The following CACNA1A variants were observed in gnomAD, a reference collection of about 807,000 sequenced individuals.
CACNA1A encodes calcium voltage-gated channel subunit alpha1 A, also known as voltage-dependent P/Q-type calcium channel subunit alpha-1A.
Under a neutral mutation model 262.4 loss-of-function variants are expected in CACNA1A, and 57 were observed. That is an observed-to-expected ratio of 0.22 (90% CI 0.18 to 0.27). The LOEUF is 0.27. CACNA1A is among the 10% of genes least tolerant of loss of function. The pLI, the probability that CACNA1A is intolerant of heterozygous loss-of-function variation, is 1.00. For missense variants in CACNA1A, 2,526 were observed against 3,562.8 expected, an observed-to-expected ratio of 0.71 and a Z score of 7.41; for synonymous variants, 1,431 against 1,419.3, an observed-to-expected ratio of 1.01 and a Z score of -0.18.
chr19:13,239,797 G>T (rs769142648), intron 31 of CACNA1A, among the ~76,000 whole-genome samples: 7 of 152,078 alleles, frequency 4.6e-5, no homozygotes, highest in Non-Finnish European at 8.8e-5. Flanking sequence ...GTGTGTGTGT[G>T]TGTGCATGCG....
At chr19:13,220,226 A>G (rs945166472) in intron 38 of CACNA1A, among the ~76,000 whole-genome samples, 1 of 150,944 alleles carries the variant, frequency 6.6e-6, no homozygotes, top group Non-Finnish European at 1.5e-5. Context: ...ACACTATTAT[A>G]CTCCAGCCTT....
At chr19:13,325,109 C>T (rs1293912946) in intron 10 of CACNA1A, among the ~76,000 whole-genome samples, 2 of 149,188 alleles carry the variant, frequency 1.3e-5, no homozygotes, top group East Asian at 3.9e-4. Flanking sequence ...TCTTCTTCTT[C>T]CCCTTCCCCT....
At chr19:13,369,422 G>A (rs1364926645) in intron 4 of CACNA1A, among the ~76,000 whole-genome samples, 5 of 152,116 alleles carry the variant, frequency 3.3e-5, no homozygotes, top group Non-Finnish European at 7.3e-5. Flanking sequence ...ATCTCCTGCT[G>A]TCTCTCCCAA....
chr19:13,265,474 T>C (rs147114547), intron 24 of CACNA1A, among the ~76,000 whole-genome samples: 216 of 152,352 alleles, frequency 1.4e-3, no homozygotes, highest in Non-Finnish European at 2.5e-3. Context: ...GGCAGAGATA[T>C]ACTCCAGGAT....
At chr19:13,494,069 T>C (rs1981217342) in intron 1 of CACNA1A, among the ~76,000 whole-genome samples, 1 of 152,224 alleles carries the variant, frequency 6.6e-6, no homozygotes, top group Non-Finnish European at 1.5e-5. Flanking sequence ...ATAGTAGACA[T>C]ACAAGCTCCA....
intron 3 of CACNA1A, among the ~76,000 whole-genome samples, chr19:13,441,658 T>C (rs977279354): frequency 1.1e-4 from 16 of 141,092 alleles, no homozygotes; most frequent in African/African-American, 4.5e-4. Flanking sequence ...AGCAAGACCC[T>C]GTCTCGAGGA....
intron 3 of CACNA1A, chr19:13,450,602 C>T (rs1488114355): frequency 6.6e-6 from 1 of 152,126 alleles, no homozygotes; most frequent in Non-Finnish European, 1.5e-5. Context: ...TGCTGTGTCC[C>T]AGAGCCTAGA....
rs139581435 is a variant in CACNA1A, at chr19:13,337,588, A to G, written c.979-1679T>C. On this transcript the variant is annotated intron_variant, in intron 6 of 46. Coordinates refer to ENST00000360228, the MANE Select transcript of CACNA1A (RefSeq NM_001127222.2). ...AATGAATCTATTTCCAAATAAGGTCACATTCTGAGGTACTGGGGGTTAGGA... is the reference window on the plus strand; with the variant it reads ...AATGAATCTATTTCCAAATAAGGTCGCATTCTGAGGTACTGGGGGTTAGGA... Among the ~76,000 whole-genome samples, 58 of 152,348 alleles carry G rather than the reference A, an allele frequency of 3.8e-4. No individual in the cohort carries two copies. In the East Asian group the frequency reaches 6.9e-3, roughly 18 times the overall value.
At chr19:13,290,146 G>A (rs911057896) in intron 19 of CACNA1A, among the ~76,000 whole-genome samples, 49 of 145,202 alleles carry the variant, frequency 3.4e-4, no homozygotes, top group African/African-American at 1.2e-3. Context: ...TTGCCATGTT[G>A]GCCAGGCTAA....
chr19:13,332,188 G>A (rs560821222), intron 9 of CACNA1A, among the ~76,000 whole-genome samples: 1 of 152,232 alleles, frequency 6.6e-6, no homozygotes, highest in East Asian at 1.9e-4. Context: ...ATCATTTGAG[G>A]CAAGGAGTTC....
At position 13,433,460 on chromosome 19, in the gene CACNA1A, C is replaced by CAAAAAAAAAAAAAAAAAAAAAAAAA. The variant is rs533297364; in HGVS notation, c.539+19415_539+19416insTTTTTTTTTTTTTTTTTTTTTTTTT. 7.1e-4 allele frequency among the ~76,000 whole-genome samples: 54 copies of CAAAAAAAAAAAAAAAAAAAAAAAAA among 76,216 alleles called. 4 individuals carry two copies. Among genetic ancestry groups the CAAAAAAAAAAAAAAAAAAAAAAAAA allele is most frequent in the Admixed American group, 1.5e-3 (10 of 6,558 alleles). The allele number at this position is 76,216 out of a possible 152,430, so 50.0% of individuals were successfully genotyped here. On this transcript the variant is annotated intron_variant, in intron 3 of 46. Coordinates refer to ENST00000360228, the MANE Select transcript of CACNA1A (RefSeq NM_001127222.2). Reference sequence around the variant, plus strand: ...TCGGCAACAAAGCAAGACGCTGTCTCAAAAAAAAAAAAAAAAAAAAAAAGT... The same window carrying CAAAAAAAAAAAAAAAAAAAAAAAAA: ...TCGGCAACAAAGCAAGACGCTGTCTCAAAAAAAAAAAAAAAAAAAAAAAAAAAAAAAAAAAAAAAAAAAAAAAAGT...
intron 24 of CACNA1A, among the ~76,000 whole-genome samples, chr19:13,269,338 C>T (rs1055980585): frequency 1.3e-5 from 2 of 152,224 alleles, no homozygotes; most frequent in African/African-American, 4.8e-5. Flanking sequence ...GTGACCTGCC[C>T]AAGGGCAGGC....
intron 3 of CACNA1A, among the ~76,000 whole-genome samples, chr19:13,442,360 C>A (rs1439541966): frequency 6.6e-6 from 1 of 152,128 alleles, no homozygotes. Flanking sequence ...TACACTGACT[C>A]CCTAGCTCAC....
chr19:13,489,501 C>G (rs13346252), intron 1 of CACNA1A, among the ~76,000 whole-genome samples: 38,899 of 151,970 alleles, frequency 0.26, 8,311 homozygotes, highest in East Asian at 0.58. Flanking sequence ...TGTTGCCCAG[C>G]CTGCTCTCAA....
rs769956603 is a variant in CACNA1A at position 13,286,941 on chromosome 19, C to T, written c.3115G>A (p.Val1039Met). 6.2e-7 allele frequency: 1 copy of T among 1,606,668 alleles called. No homozygotes were observed. The highest frequency in any genetic ancestry group is 8.5e-7 in the Non-Finnish European group (1 of 1,175,458). The change falls in exon 20 of 47, where the codon GTG becomes ATG. Residue 1039 changes from valine (V) to methionine (M), a missense_variant. Val to Met is a conservative substitution (Grantham distance 21, BLOSUM62 1). Transcript: ENST00000360228. ...RKENQGSGVPVSGPNLSTTRP... is the reference protein window; with the variant it reads ...RKENQGSGVPMSGPNLSTTRP... ...GTGGTTGACAGGTTGGGGCCCGACA[C>T]AGGGACCCCGGAGCCCTGGTTCTCT...
At chr19:13,457,093 T>A (rs1268606537) in intron 1 of CACNA1A, among the ~76,000 whole-genome samples, 1 of 151,696 alleles carries the variant, frequency 6.6e-6, no homozygotes, top group Non-Finnish European at 1.5e-5. Context: ...CTACAAAAAA[T>A]ATGAAAAATT....
intron 1 of CACNA1A, among the ~76,000 whole-genome samples, chr19:13,491,984 G>C (rs1343850598): frequency 6.6e-6 from 1 of 152,168 alleles, no homozygotes; most frequent in Admixed American, 6.5e-5. Context: ...ACTGTTTTGA[G>C]TGCTGCTTTC....
chr19:13,281,456 C>T (rs988180620), intron 22 of CACNA1A, among the ~76,000 whole-genome samples: 16 of 149,910 alleles, frequency 1.1e-4, no homozygotes, highest in African/African-American at 3.7e-4. Context: ...AAGCTGGGGT[C>T]GTGGTTACCG....
rs1194169289 is a variant in CACNA1A at position 13,300,700 on chromosome 19, C to T, written c.2173-44G>A. The T allele has an allele frequency of 2.0e-6, 3 of 1,487,180 alleles. No homozygotes were observed. The African/African-American group carries it at 4.1e-5, about 21-fold the overall frequency. The allele number at this position is 1,487,180 out of a possible 1,614,324, so 92.1% of individuals were successfully genotyped here. On this transcript the variant is annotated intron_variant, in intron 17 of 46. Coordinates refer to ENST00000360228, the MANE Select transcript of CACNA1A (RefSeq NM_001127222.2). ...CTTTGTTCACAAAACATGAACTAGGCCTTGGGGACTCACTTCTGACCCTGT... is the reference window on the plus strand; with the variant it reads ...CTTTGTTCACAAAACATGAACTAGGTCTTGGGGACTCACTTCTGACCCTGT...
Sources: allele counts gnomAD v4.1 joint callset (sites outside exome capture counted in the v4.1 genomes callset), GRCh38; gene constraint gnomAD v4.1.1; transcripts MANE v1.5; gene names NCBI Gene and HGNC (gene_info 2026-07-23, HGNC 2026-07-21).